Variants in ATP10B observed in about 807,000 individuals in gnomAD.
The protein encoded by ATP10B is ATPase phospholipid transporting 10B (putative), also known as phospholipid-transporting ATPase VB.
ATP10B carries 122 observed loss-of-function variants against 141.2 expected under a neutral mutation model. The observed-to-expected ratio is 0.86, with a 90% CI of 0.75 to 1.00. ATP10B has a LOEUF of 1.00. Ranked by LOEUF, ATP10B falls within the 50% of genes least tolerant of loss-of-function variation. The pLI is 0.00. For synonymous variants in ATP10B, 685 were observed against 692.0 expected (o/e 0.99, Z 0.16); for missense variants, 1,876 against 1,825.3 (o/e 1.03, Z -0.51).
Position 160,632,245 on chromosome 5 carries a change from C to G in ATP10B, c.1504G>C (p.Ala502Pro), listed in dbSNP as rs904132933. ...CTCTGGCTCCTCCTCAGAGGCTGAG[C>G]ACCTTTTTGGCTTCTCATAGTTGCT... ...DPATMRSQKG[A>P]QPLRRSQSAR... Residue 502 changes from alanine (A) to proline (P), a missense_variant, in exon 13 of 26, where the codon GCT (alanine) becomes CCT (proline). Ala to Pro is a conservative substitution (Grantham distance 27). Coordinates refer to ENST00000327245, the MANE Select transcript of ATP10B (RefSeq NM_025153.3). 1 of 1,614,176 alleles carries G rather than the reference C, an allele frequency of 6.2e-7. No homozygotes were observed.
chr5:160,746,074 G>A (rs1185982231), intron 2 of ATP10B, among the ~76,000 whole-genome samples: 1 of 152,214 alleles, frequency 6.6e-6, no homozygotes, highest in Non-Finnish European at 1.5e-5. Flanking sequence ...TCTTAGGACA[G>A]TACCTCACAT....
intron 2 of ATP10B, among the ~76,000 whole-genome samples, chr5:160,781,429 G>A (rs4921337): frequency 0.1 from 15,362 of 152,076 alleles, 893 homozygotes; most frequent in Middle Eastern, 0.13. Context: ...GGTACAGGGT[G>A]TTTGTTCAGT....
At chr5:160,593,386 A>G (rs1756458051) in intron 22 of ATP10B, among the ~76,000 whole-genome samples, 2 of 152,360 alleles carry the variant, frequency 1.3e-5, no homozygotes, top group Middle Eastern at 3.4e-3. Flanking sequence ...ACTAACAAAT[A>G]GAAAGGACAT....
intron 24 of ATP10B, among the ~76,000 whole-genome samples, chr5:160,586,715 C>T (rs1755926858): frequency 6.6e-6 from 1 of 152,204 alleles, no homozygotes; most frequent in African/African-American, 2.4e-5. Flanking sequence ...TTGCATTTCT[C>T]TAATGATCAG....
Position 160,620,374 on chromosome 5 carries a change from T to C in ATP10B, c.2389A>G (p.Met797Val), listed in dbSNP as rs1371743970. 1.2e-6 allele frequency: 2 copies of C among 1,612,874 alleles called. No individual in the cohort carries two copies. The highest frequency in any genetic ancestry group is 2.7e-5 in the African/African-American group (2 of 74,930). Residue 797 changes from methionine to valine, a missense_variant, in exon 15 of 26, where the codon ATG becomes GTG. Physicochemically the swap from Met to Val is conservative, Grantham distance 21 (BLOSUM62 1). Transcript: ENST00000327245. ...VYTKGADSVI[M>V]DLLEDPACVP... is the part of the protein sequence containing the mutation. ...CAGGCTGGGTCTTCCAGCAGGTCCA[T>C]GATGACCGAGTCAGCACCCTTGGTG...
chr5:160,618,158 G>T (rs1417832406), intron 15 of ATP10B, among the ~76,000 whole-genome samples, 185 bp from the exon 16 acceptor site: 1 of 152,160 alleles, frequency 6.6e-6, no homozygotes, highest in Non-Finnish European at 1.5e-5. Flanking sequence ...AATGCAGGGA[G>T]TCCTTAAGCT....
chr5:160,797,966 G>GA (rs1283900569), intron 1 of ATP10B, among the ~76,000 whole-genome samples: 1 of 149,382 alleles, frequency 6.7e-6, no homozygotes, highest in Non-Finnish European at 1.5e-5. Flanking sequence ...AAAAAAAAGA[G>GA]AAAAGAAACA....
In ATP10B at chr5:160,654,092, G is replaced by A. The variant is rs139298696; in HGVS notation, c.676-4836C>T. ...ACGTATATACATATAAATATATGTT[G>A]TATATACGTATATACATATATAAAT... On this transcript the variant is annotated intron_variant, in intron 7 of 25. Coordinates refer to ENST00000327245, the MANE Select transcript of ATP10B (RefSeq NM_025153.3). 7.3e-3 allele frequency among the ~76,000 whole-genome samples: 1,000 copies of A among 137,824 alleles called. 234 individuals carry two copies. Among genetic ancestry groups the A allele is most frequent in the African/African-American group, 0.027 (914 of 33,246 alleles). 90.4% of individuals were successfully genotyped at this position (137,824 alleles called of 152,430 possible). A position where few individuals can be genotyped will look rare whatever the true frequency, so the allele number is the denominator to read the frequency against.
Position 160,756,518 on chromosome 5 carries a change from C to A in ATP10B, c.-331+29041G>T, listed in dbSNP as rs980444165. ...GTGTATGAGCATTCCAGTGGCTCCA[C>A]ATCCTTGTCAATACTTGGTATAGTG... On this transcript the variant is annotated intron_variant, in intron 2 of 25. Coordinates refer to ENST00000327245, the MANE Select transcript of ATP10B (RefSeq NM_025153.3). Among the ~76,000 whole-genome samples, 4 of 152,204 alleles carry A rather than the reference C, an allele frequency of 2.6e-5. No homozygotes were observed. The East Asian group carries it at 7.7e-4, about 29-fold the overall frequency.
At chr5:160,900,725 T>C in the ATP10B span, among the ~76,000 whole-genome samples, 19 of 152,296 alleles carry the variant, frequency 1.2e-4, no homozygotes, top group South Asian at 3.9e-3. Context: ...AGGCCATATG[T>C]ATACAACAAG....
chr5:160,687,654 AT>A (rs1408337219), intron 5 of ATP10B, 145 bp downstream of exon 5: 28 of 954,132 alleles, frequency 2.9e-5, no homozygotes, highest in Non-Finnish European at 4.2e-5. Flanking sequence ...GGTCCCAGCT[AT>A]TTGGGAGGCT....
the ATP10B span, among the ~76,000 whole-genome samples, chr5:160,873,079 G>A: frequency 1.3e-5 from 2 of 148,932 alleles, no homozygotes; most frequent in African/African-American, 2.5e-5. Flanking sequence ...TTCTTGTAGC[G>A]GTCTTTTGTC....
intron 24 of ATP10B, among the ~76,000 whole-genome samples, chr5:160,579,570 C>G (rs1426068490): frequency 2.0e-5 from 3 of 152,072 alleles, no homozygotes; most frequent in Non-Finnish European, 2.9e-5. Context: ...GTTACTGTAG[C>G]CTTGTAGCAT....
At chr5:160,814,063 A>C (rs1300713467) in intron 1 of ATP10B, among the ~76,000 whole-genome samples, 2 of 152,192 alleles carry the variant, frequency 1.3e-5, no homozygotes, top group Admixed American at 1.3e-4. Flanking sequence ...AGAAACTCTA[A>C]AAATCAGAGC....
intron 1 of ATP10B, among the ~76,000 whole-genome samples, chr5:160,798,675 A>T (rs984182169): frequency 6.6e-6 from 1 of 152,116 alleles, no homozygotes; most frequent in Non-Finnish European, 1.5e-5. Flanking sequence ...TTAAAGCCAC[A>T]AAATGTGGTG....
At chr5:160,604,157 G>A in intron 19 of ATP10B, 116 bp from the exon 20 acceptor site, 2 of 749,726 alleles carry the variant, frequency 2.7e-6, no homozygotes, top group Non-Finnish European at 4.8e-6. Flanking sequence ...TTACTCTAGT[G>A]CTATAGAAAG....
At chr5:160,783,848 C>G (rs1049610130) in intron 2 of ATP10B, among the ~76,000 whole-genome samples, 2 of 152,012 alleles carry the variant, frequency 1.3e-5, no homozygotes, top group Non-Finnish European at 2.9e-5. Context: ...TACCTTCCCA[C>G]AAGCAGTGTA....
chr5:160,623,174 T>C (rs2127651996), intron 13 of ATP10B, among the ~76,000 whole-genome samples: 1 of 152,332 alleles, frequency 6.6e-6, no homozygotes, highest in East Asian at 1.9e-4. Flanking sequence ...CACACTTTGC[T>C]TGAAAAATCC....
rs549386076 is a variant in ATP10B at position 160,622,326 on chromosome 5, C to T, written c.1812+68G>A. The T allele has an allele frequency of 6.3e-4, 917 of 1,465,810 alleles. 1 individual carries two copies. Among genetic ancestry groups the T allele is most frequent in the Non-Finnish European group, 7.5e-4 (825 of 1,093,686 alleles). The allele number at this position is 1,465,810 out of a possible 1,614,324, so 90.8% of individuals were successfully genotyped here. A position where few individuals can be genotyped will look rare whatever the true frequency, so the allele number is the denominator to read the frequency against. ...TCTCCCTGATCAGAACTTCTCCCCT[C>T]GCCCCTACCCTGCCTTCTACTCCTC... On this transcript the variant is annotated intron_variant, in intron 14 of 25. Coordinates refer to ENST00000327245, the MANE Select transcript of ATP10B (RefSeq NM_025153.3).
Sources: allele counts gnomAD v4.1 joint callset (sites outside exome capture counted in the v4.1 genomes callset), GRCh38; gene constraint gnomAD v4.1.1; transcripts MANE v1.5; gene names NCBI Gene and HGNC (gene_info 2026-07-23, HGNC 2026-07-21).